SLC44A5: variants seen among roughly 807,000 people sequenced by gnomAD.
SLC44A5 encodes the protein solute carrier family 44 member 5.
SLC44A5 carries 57 observed loss-of-function variants against 101.8 expected under a neutral mutation model. That is an observed-to-expected ratio of 0.56 (90% CI 0.45 to 0.70). The LOEUF (loss-of-function observed/expected upper bound fraction) is 0.70, where lower values mean the gene tolerates loss of function less well. Ranked by LOEUF, SLC44A5 falls within the 30% of genes least tolerant of loss-of-function variation. The pLI is 0.00. For synonymous variants in SLC44A5, 281 were observed against 290.9 expected (o/e 0.97, Z 0.35); for missense variants, 737 against 853.1 (o/e 0.86, Z 1.70).
At chr1:75,528,552 A>G (rs1670550778) in intron 2 of SLC44A5, among the ~76,000 whole-genome samples, 2 of 152,134 alleles carry the variant, frequency 1.3e-5, no homozygotes, top group Non-Finnish European at 2.9e-5. Flanking sequence ...CTTCTATGAA[A>G]ACATGTGCGA....
At chr1:75,594,781 T>C (rs554495019) in intron 1 of SLC44A5, among the ~76,000 whole-genome samples, 1 of 151,978 alleles carries the variant, frequency 6.6e-6, no homozygotes, top group South Asian at 2.1e-4. Context: ...GTACCTTTTT[T>C]TTTTATCATT....
In SLC44A5 at chr1:75,347,471, T is replaced by C. The variant is rs1286491363; in HGVS notation, c.53-7841A>G. Among the ~76,000 whole-genome samples the C allele has an allele frequency of 2.6e-4, 39 of 152,184 alleles. 1 individual carries two copies. Among genetic ancestry groups the C allele is most frequent in the Admixed American group, 2.6e-3 (39 of 15,276 alleles). On this transcript the variant is annotated intron_variant, in intron 3 of 23. Coordinates refer to ENST00000370859, the MANE Select transcript of SLC44A5 (RefSeq NM_001130058.2). ...AGAATCTGTATCACATGGATGCTTC[T>C]ATTTACAGGGTAATTGAGCAAAAAT... is the stretch of plus-strand genomic sequence containing the variant.
chr1:75,274,975 C>G lies in SLC44A5; in HGVS notation c.243G>C (p.Gln81His). The G allele has an allele frequency of 6.2e-7, 1 of 1,612,568 alleles. No homozygotes were observed. Among genetic ancestry groups the G allele is most frequent in the African/African-American group, 1.3e-5 (1 of 74,980 alleles). ...ATACTCACTCATTGGGAGTGCCCTT[C>G]TGGCCACAAAAGTGGCCCTGGCTGT... is the stretch of plus-strand genomic sequence containing the variant. ...PTDSQGHFCG[Q>H]KGTPNENKTI... Residue 81 changes from glutamine to histidine, a missense_variant, in exon 6 of 24, where the codon CAG (glutamine) becomes CAC (histidine). By Grantham distance (24) the Gln-to-His change is conservative (BLOSUM62 0). Transcript: ENST00000370859.
chr1:75,606,380 C>T (rs1157919910), intron 1 of SLC44A5, among the ~76,000 whole-genome samples: 1 of 151,934 alleles, frequency 6.6e-6, no homozygotes, highest in Non-Finnish European at 1.5e-5. Flanking sequence ...CATCTTACCT[C>T]CATAGGAAAC....
chr1:75,511,009 G>A (rs1033528855), intron 2 of SLC44A5, among the ~76,000 whole-genome samples: 3 of 152,192 alleles, frequency 2.0e-5, no homozygotes, highest in African/African-American at 7.2e-5. Context: ...TGGGCGTGGT[G>A]GCAGGAGCCT....
chr1:75,623,870 AC>A, the SLC44A5 span, among the ~76,000 whole-genome samples: 3 of 152,236 alleles, frequency 2.0e-5, no homozygotes, highest in Non-Finnish European at 2.9e-5. Flanking sequence ...GGGGACTGAT[AC>A]TGAAACTTTC....
intron 2 of SLC44A5, among the ~76,000 whole-genome samples, chr1:75,489,115 T>C (rs1227429123): frequency 1.3e-5 from 2 of 152,202 alleles, no homozygotes; most frequent in Non-Finnish European, 2.9e-5. Flanking sequence ...CCCAAAGTGT[T>C]GGGATTACAG....
At chr1:75,264,299 C>CA (rs1650805234) in intron 6 of SLC44A5, among the ~76,000 whole-genome samples, 1 of 152,158 alleles carries the variant, frequency 6.6e-6, no homozygotes, top group Non-Finnish European at 1.5e-5. Flanking sequence ...TCACCAAGGC[C>CA]AAAGTGCAAG....
At chr1:75,467,973 C>G (rs769049330) in intron 2 of SLC44A5, among the ~76,000 whole-genome samples, 10 of 151,760 alleles carry the variant, frequency 6.6e-5, no homozygotes, top group Non-Finnish European at 1.3e-4. Flanking sequence ...GAACTCAACT[C>G]TATAGGAAAA....
chr1:75,233,122 T>A (rs1647741777), intron 12 of SLC44A5, among the ~76,000 whole-genome samples: 1 of 152,174 alleles, frequency 6.6e-6, no homozygotes, highest in African/African-American at 2.4e-5. Flanking sequence ...TGAGACACTT[T>A]AATTCATATG....
At chr1:75,657,638 A>G in the SLC44A5 span, among the ~76,000 whole-genome samples, 1 of 152,054 alleles carries the variant, frequency 6.6e-6, no homozygotes, top group African/African-American at 2.4e-5. Context: ...TACATCAGAT[A>G]AAATAGATTT....
chr1:75,364,727 C>G (rs1659737287), intron 3 of SLC44A5, among the ~76,000 whole-genome samples: 1 of 152,110 alleles, frequency 6.6e-6, no homozygotes, highest in Non-Finnish European at 1.5e-5. Context: ...AAGTTTAGTT[C>G]TCTTGATGGT....
the SLC44A5 span, among the ~76,000 whole-genome samples, chr1:75,636,453 A>G: frequency 2.0e-5 from 3 of 152,104 alleles, no homozygotes; most frequent in East Asian, 5.8e-4. Flanking sequence ...ACCATTTGCT[A>G]GATATAGGGA....
Position 75,307,885 on chromosome 1 carries a change from C to A in SLC44A5, c.102-7200G>T, listed in dbSNP as rs576527014. Among the ~76,000 whole-genome samples, 11 of 152,278 alleles carry A rather than the reference C, an allele frequency of 7.2e-5. No individual in the cohort carries two copies. In the South Asian group the frequency reaches 2.3e-3, roughly 32 times the overall value. On this transcript the variant is annotated intron_variant, in intron 4 of 23. Transcript: ENST00000370859. Reference sequence around the variant, plus strand: ...GGTTAAAGATTATCTTGAAGAATTTCGCTCTGTTACTGAAATCAGAAACCT... The same window carrying A: ...GGTTAAAGATTATCTTGAAGAATTTAGCTCTGTTACTGAAATCAGAAACCT...
At chr1:75,716,387 T>A in the SLC44A5 span, among the ~76,000 whole-genome samples, 1 of 151,966 alleles carries the variant, frequency 6.6e-6, no homozygotes, top group Admixed American at 6.6e-5. Context: ...AGGAAGATGG[T>A]TTGGGCTGGG....
the SLC44A5 span, among the ~76,000 whole-genome samples, chr1:75,668,506 G>T: frequency 6.7e-6 from 1 of 150,374 alleles, no homozygotes; most frequent in Non-Finnish European, 1.5e-5. Context: ...TTGAGAAGGA[G>T]TTTCACCATG....
chr1:75,687,460 C>G, the SLC44A5 span, among the ~76,000 whole-genome samples: 1 of 152,060 alleles, frequency 6.6e-6, no homozygotes, highest in African/African-American at 2.4e-5. Flanking sequence ...CCCACCAACA[C>G]GCCTGGCTAA....
chr1:75,232,168 G>C (rs1319364798), intron 12 of SLC44A5, among the ~76,000 whole-genome samples: 1 of 152,036 alleles, frequency 6.6e-6, no homozygotes, highest in Non-Finnish European at 1.5e-5. Context: ...ATACTATCTA[G>C]GGAGTCAATA....
intron 4 of SLC44A5, among the ~76,000 whole-genome samples, chr1:75,316,514 T>A (rs1035260058): frequency 2.6e-5 from 4 of 152,216 alleles, no homozygotes; most frequent in Non-Finnish European, 4.4e-5. Context: ...GTGTTCTAAT[T>A]ATTTGTACCT....
Sources: gnomAD v4.1 joint callset for allele counts (sites outside exome capture counted in the v4.1 genomes callset) on GRCh38, gnomAD v4.1.1 for gene constraint, MANE v1.5 for transcripts, NCBI Gene and HGNC (gene_info 2026-07-23, HGNC 2026-07-21) for gene names.